The following ATXN1 variants were observed in gnomAD, a reference collection of about 807,000 sequenced individuals.
The protein encoded by ATXN1 is ataxin-1.
ATXN1 carries 8 observed loss-of-function variants against 56.4 expected under a neutral mutation model. The ratio of observed to expected loss-of-function variants is 0.14; its 90% CI spans 0.08 to 0.26. The LOEUF (loss-of-function observed/expected upper bound fraction) is 0.26, where lower values mean the gene tolerates loss of function less well. Ranked by LOEUF, ATXN1 falls within the 10% of genes least tolerant of loss-of-function variation. The pLI is 1.00. For missense variants in ATXN1, 987 were observed against 1,106.5 expected, an observed-to-expected ratio of 0.89 and a Z score of 1.53; for synonymous variants, 514 against 494.6, an observed-to-expected ratio of 1.04 and a Z score of -0.52.
At chr6:16,569,539 A>G (rs1012933861) in intron 4 of ATXN1, among the ~76,000 whole-genome samples, 4 of 151,168 alleles carry the variant, frequency 2.6e-5, no homozygotes, top group Non-Finnish European at 5.9e-5. Flanking sequence ...AAAAAAAAAA[A>G]AAAAAAACAG....
intron 3 of ATXN1, among the ~76,000 whole-genome samples, chr6:16,634,486 A>C (rs893960796): frequency 6.6e-6 from 1 of 152,178 alleles, no homozygotes; most frequent in Non-Finnish European, 1.5e-5. Context: ...GTTTTTTAGT[A>C]TAGTCACTGT....
intron 3 of ATXN1, among the ~76,000 whole-genome samples, chr6:16,599,709 C>CA (rs35593294): frequency 0.013 from 948 of 71,886 alleles, 17 homozygotes; most frequent in African/African-American, 0.04. Context: ...AACTCCGTCT[C>CA]AAAAAAAAAA....
intron 3 of ATXN1, among the ~76,000 whole-genome samples, chr6:16,603,396 G>T (rs1292246148): frequency 6.6e-6 from 1 of 152,042 alleles, no homozygotes; most frequent in Non-Finnish European, 1.5e-5. Context: ...CCCTTTCCAG[G>T]CTCCATACTC....
intron 6 of ATXN1, among the ~76,000 whole-genome samples, chr6:16,447,831 C>T (rs1465464915): frequency 6.6e-6 from 1 of 152,174 alleles, no homozygotes; most frequent in Non-Finnish European, 1.5e-5. Flanking sequence ...AAAGATTCTA[C>T]CAACGGGCTT....
chr6:16,573,624 T>C (rs922661983), intron 4 of ATXN1, among the ~76,000 whole-genome samples: 8 of 152,096 alleles, frequency 5.3e-5, no homozygotes, highest in Admixed American at 5.2e-4. Context: ...AACTTCACAT[T>C]CCTCCGCCAG....
rs978740815 is a variant in ATXN1, at chr6:16,306,931, T to G, written c.1918-72A>C. 1.4e-6 allele frequency: 2 copies of G among 1,469,168 alleles called. No individual in the cohort carries two copies. The highest frequency in any genetic ancestry group is 1.4e-5 in the African/African-American group (1 of 70,910). The allele number at this position is 1,469,168 out of a possible 1,614,324, so 91.0% of individuals were successfully genotyped here. On this transcript the variant is annotated intron_variant, in intron 7 of 7. Coordinates refer to ENST00000436367, the MANE Select transcript of ATXN1 (RefSeq NM_001128164.2). This position sits in a 1 kb window ranked among gnomAD's most constrained non-coding sequence, Gnocchi z 5.2. ...ATGAAAACATTTTATTCTTGTTTGA[T>G]TTTATGCACACACACAGGTATGAAC...
At chr6:16,616,498 C>G (rs552366120) in intron 3 of ATXN1, among the ~76,000 whole-genome samples, 1 of 147,802 alleles carries the variant, frequency 6.8e-6, no homozygotes, top group African/African-American at 2.5e-5. Context: ...TGAGATCATG[C>G]CACTGCACTC....
Position 16,306,923 on chromosome 6 carries a change from T to C in ATXN1, c.1918-64A>G. ...GGGAACAAATGAAAACATTTTATTC[T>C]TGTTTGATTTTATGCACACACACAG... is the stretch of plus-strand genomic sequence containing the variant. On this transcript the variant is annotated intron_variant, in intron 7 of 7. Coordinates refer to ENST00000436367, the MANE Select transcript of ATXN1 (RefSeq NM_001128164.2). This position sits in a 1 kb window ranked among gnomAD's most constrained non-coding sequence, Gnocchi z 5.2. 6.7e-7 allele frequency: 1 copy of C among 1,493,708 alleles called. No individual in the cohort carries two copies. The highest frequency in any genetic ancestry group is 8.9e-7 in the Non-Finnish European group (1 of 1,118,472). 92.5% of individuals were successfully genotyped at this position (1,493,708 alleles called of 1,614,324 possible). A position where few individuals can be genotyped will look rare whatever the true frequency, so the allele number is the denominator to read the frequency against.
chr6:16,461,166 A>G (rs999276392), intron 6 of ATXN1, among the ~76,000 whole-genome samples: 5 of 152,216 alleles, frequency 3.3e-5, no homozygotes, highest in Admixed American at 1.3e-4. Context: ...AGAAATACCT[A>G]TGGAAGGACC....
intron 7 of ATXN1, among the ~76,000 whole-genome samples, chr6:16,307,598 C>G (rs1383514689): frequency 3.3e-5 from 5 of 151,194 alleles, no homozygotes; most frequent in Non-Finnish European, 2.9e-5. Context: ...CACTTGAACC[C>G]AGGAGGCAGA....
At chr6:16,517,600 A>G (rs1163043432) in intron 5 of ATXN1, among the ~76,000 whole-genome samples, 2 of 152,236 alleles carry the variant, frequency 1.3e-5, no homozygotes, top group Non-Finnish European at 2.9e-5. Context: ...CCAGTTCTTC[A>G]AGCATTTGCA....
chr6:16,449,967 T>C (rs1203226428), intron 6 of ATXN1, among the ~76,000 whole-genome samples: 1 of 152,206 alleles, frequency 6.6e-6, no homozygotes, highest in Non-Finnish European at 1.5e-5. Flanking sequence ...AGCTTCATTG[T>C]TCTTTCTTCT....
intron 6 of ATXN1, among the ~76,000 whole-genome samples, chr6:16,346,777 T>A (rs539728586): frequency 6.6e-6 from 1 of 152,296 alleles, no homozygotes; most frequent in Admixed American, 6.5e-5. Flanking sequence ...GCTCCCACTT[T>A]GGCGGCTCTT....
At chr6:16,543,397 G>A (rs1326430097) in intron 4 of ATXN1, among the ~76,000 whole-genome samples, 2 of 152,060 alleles carry the variant, frequency 1.3e-5, no homozygotes, top group Non-Finnish European at 2.9e-5. Flanking sequence ...TTCCCCCTCT[G>A]TGTGTATTTT....
intron 2 of ATXN1, among the ~76,000 whole-genome samples, chr6:16,711,460 A>G (rs1167359247): frequency 3.3e-5 from 5 of 152,206 alleles, no homozygotes; most frequent in Middle Eastern, 3.4e-3. Flanking sequence ...TGAAAAAGGT[A>G]AGCCAAACAC....
At chr6:16,670,305 A>T (rs903109101) in intron 2 of ATXN1, among the ~76,000 whole-genome samples, 1 of 152,106 alleles carries the variant, frequency 6.6e-6, no homozygotes, top group African/African-American at 2.4e-5. Flanking sequence ...ATGGTTCTCC[A>T]ATCACCTCTC....
At chr6:16,604,499 T>TA (rs1003124149) in intron 3 of ATXN1, among the ~76,000 whole-genome samples, 11 of 149,960 alleles carry the variant, frequency 7.3e-5, no homozygotes, top group Non-Finnish European at 1.2e-4. Flanking sequence ...ACCCTGTATC[T>TA]AAAAAAAAGA....
At chr6:16,335,409 T>C (rs1761096962) in intron 6 of ATXN1, among the ~76,000 whole-genome samples, 1 of 151,996 alleles carries the variant, frequency 6.6e-6, no homozygotes. Flanking sequence ...CGCGCTCGGG[T>C]TTCCCTTCTC....
intron 2 of ATXN1, among the ~76,000 whole-genome samples, chr6:16,750,873 G>A (rs958737132): frequency 6.6e-6 from 1 of 151,964 alleles, no homozygotes; most frequent in Non-Finnish European, 1.5e-5. Context: ...CTAAATGTGA[G>A]GATTTTCAGC....
Sources: allele counts gnomAD v4.1 joint callset (sites outside exome capture counted in the v4.1 genomes callset), GRCh38; gene constraint gnomAD v4.1.1; non-coding constraint Gnocchi (gnomAD v3.1); transcripts MANE v1.5; gene names NCBI Gene and HGNC (gene_info 2026-07-23, HGNC 2026-07-21).